CAMTA1: variants seen among roughly 807,000 people sequenced by gnomAD.
The protein encoded by CAMTA1 is calmodulin binding transcription activator 1.
Under a neutral mutation model 170.9 loss-of-function variants are expected in CAMTA1, and 27 were observed. The observed-to-expected ratio is 0.16, with a 90% CI of 0.12 to 0.22. CAMTA1 has a LOEUF of 0.22. CAMTA1 is among the 10% of genes least tolerant of loss of function. The pLI is 1.00. For synonymous variants in CAMTA1, 833 were observed against 891.5 expected (o/e 0.93, Z 1.17); for missense variants, 1,619 against 2,217.2 (o/e 0.73, Z 5.42).
intron 9 of CAMTA1, among the ~76,000 whole-genome samples, chr1:7,668,491 A>G (rs1442566216): frequency 6.6e-6 from 1 of 151,876 alleles, no homozygotes; most frequent in East Asian, 1.9e-4. Flanking sequence ...GCTGCATCAG[A>G]CATGGGCCCT....
At chr1:7,725,073 T>A (rs2096674974) in intron 11 of CAMTA1, among the ~76,000 whole-genome samples, 1 of 151,902 alleles carries the variant, frequency 6.6e-6, no homozygotes, top group Non-Finnish European at 1.5e-5. Context: ...GGAGAAGAGG[T>A]TCATGAAGAG....
At chr1:7,039,952 T>C (rs1416262974) in intron 3 of CAMTA1, among the ~76,000 whole-genome samples, 1 of 148,348 alleles carries the variant, frequency 6.7e-6, no homozygotes, top group Non-Finnish European at 1.5e-5. Context: ...GGCAAAACAT[T>C]TTTTTTTTTT....
intron 6 of CAMTA1, among the ~76,000 whole-genome samples, chr1:7,496,748 C>T (rs923726220): frequency 2.0e-5 from 3 of 152,046 alleles, no homozygotes; most frequent in African/African-American, 7.2e-5. Flanking sequence ...TGTTGTTGAT[C>T]CCTCTGCCTC....
rs111451188 is a variant in CAMTA1, at chr1:7,678,005, C to T, written c.2914+272C>T. ...TGTGAGTGTGGGCCTGTGGCTGGCA[C>T]GCCTGCTGGGCTGTCTGAGTGGCCA... On this transcript the variant is annotated intron_variant, in intron 11 of 22. Coordinates refer to ENST00000303635, the MANE Select transcript of CAMTA1 (RefSeq NM_015215.4). Among the ~76,000 whole-genome samples, 52 of 152,350 alleles carry T rather than the reference C, an allele frequency of 3.4e-4. 2 individuals are homozygous for T. The South Asian group carries it at 5.2e-3, about 15-fold the overall frequency.
At chr1:7,743,608 ATGT>A (rs957896012) in intron 16 of CAMTA1, among the ~76,000 whole-genome samples, 1 of 152,032 alleles carries the variant, frequency 6.6e-6, no homozygotes, top group African/African-American at 2.4e-5. Flanking sequence ...ACTTAGCAGG[ATGT>A]TGTTGAGGCT....
chr1:7,490,578 G>T (rs972017952), intron 6 of CAMTA1, among the ~76,000 whole-genome samples: 1 of 152,188 alleles, frequency 6.6e-6, no homozygotes, highest in African/African-American at 2.4e-5. Flanking sequence ...CTTGAACCCA[G>T]GAGGCGGAGG....
Position 7,766,415 on chromosome 1 carries a change from A to G in CAMTA1, c.4990-44A>G, listed in dbSNP as rs370662690. Reference sequence around the variant, plus strand: ...CCTTTCCTTTACTTGGTCACAATTCACTATAGAGTTATCGCCTGCTGTTTT... The same window carrying G: ...CCTTTCCTTTACTTGGTCACAATTCGCTATAGAGTTATCGCCTGCTGTTTT... On this transcript the variant is annotated intron_variant, in intron 22 of 22. Coordinates refer to ENST00000303635, the MANE Select transcript of CAMTA1 (RefSeq NM_015215.4). 4.0e-5 allele frequency: 64 copies of G among 1,602,454 alleles called. No homozygotes were observed. In the African/African-American group the frequency reaches 7.1e-4, roughly 18 times the overall value.
rs746853979 is a variant in CAMTA1, at chr1:7,467,860, A to T, written c.469A>T (p.Ile157Phe). The T allele has an allele frequency of 6.2e-7, 1 of 1,613,444 alleles. No homozygotes were observed. The highest frequency in any genetic ancestry group is 8.5e-7 in the Non-Finnish European group (1 of 1,179,790). The part of the protein sequence containing the change: ...CLYGCYVHSS[I>F]IPTFHRRCYW... ...GTACGGCTGCTATGTCCATTCCTCC[A>T]TCATCCCCACCTTCCACCGGAGGTG... Residue 157 changes from isoleucine (I) to phenylalanine (F), a missense_variant, in exon 6 of 23, where the codon ATC becomes TTC. Transcript: ENST00000303635.
At chr1:7,469,556 C>A (rs541281792) in intron 6 of CAMTA1, among the ~76,000 whole-genome samples, 6 of 152,210 alleles carry the variant, frequency 3.9e-5, no homozygotes, top group South Asian at 2.1e-4. Context: ...TTTTCCTTTT[C>A]GGTTTCATGC....
chr1:7,022,862 C>T (rs989817221), intron 3 of CAMTA1, among the ~76,000 whole-genome samples: 1 of 152,104 alleles, frequency 6.6e-6, no homozygotes, highest in African/African-American at 2.4e-5. Context: ...GTTATAATAG[C>T]AACAAAAACA....
At chr1:7,036,612 G>A (rs1703633119) in intron 3 of CAMTA1, among the ~76,000 whole-genome samples, 2 of 152,180 alleles carry the variant, frequency 1.3e-5, no homozygotes, top group South Asian at 4.1e-4. Context: ...TAGGCCTTTT[G>A]GGTTCAAGGT....
intron 3 of CAMTA1, among the ~76,000 whole-genome samples, chr1:6,885,703 G>C (rs1475121040): frequency 6.6e-6 from 1 of 152,122 alleles, no homozygotes; most frequent in Non-Finnish European, 1.5e-5. Context: ...TCCTACCTCT[G>C]AATGTAGATG....
intron 6 of CAMTA1, among the ~76,000 whole-genome samples, chr1:7,493,221 G>A (rs996981634): frequency 1.5e-5 from 2 of 132,042 alleles, no homozygotes; most frequent in African/African-American, 3.0e-5. Flanking sequence ...ACATACACAC[G>A]CACACACAAA....
chr1:7,727,702 G>A (rs2096700944), intron 11 of CAMTA1, among the ~76,000 whole-genome samples: 1 of 152,222 alleles, frequency 6.6e-6, no homozygotes, highest in Admixed American at 6.5e-5. Flanking sequence ...GCAATGCACA[G>A]CTCTCAATTT....
At chr1:6,857,930 A>G (rs112501890) in intron 3 of CAMTA1, among the ~76,000 whole-genome samples, 2,592 of 152,320 alleles carry the variant, frequency 0.017, 34 homozygotes, top group South Asian at 0.033. Context: ...ATTTGATGCC[A>G]CTAGAATGCA....
In CAMTA1 at chr1:7,272,692, C is replaced by CAAA. The variant is rs371588178; in HGVS notation, c.438+23088_438+23090dup. Among the ~76,000 whole-genome samples, 367 of 38,702 alleles carry CAAA rather than the reference C, an allele frequency of 9.5e-3. 8 individuals carry two copies. Among genetic ancestry groups the CAAA allele is most frequent in the Non-Finnish European group, 0.01 (218 of 21,620 alleles). 25.4% of individuals were successfully genotyped at this position (38,702 alleles called of 152,430 possible). On this transcript the variant is annotated intron_variant, in intron 5 of 22. Coordinates refer to ENST00000303635, the MANE Select transcript of CAMTA1 (RefSeq NM_015215.4). ...TCTGGGGCAACTGGATAAACACATGCAAAAAAAAAAAAAAAAAAAAAAAAG... is the reference window on the plus strand; with the variant it reads ...TCTGGGGCAACTGGATAAACACATGCAAAAAAAAAAAAAAAAAAAAAAAAAAAG...
intron 3 of CAMTA1, among the ~76,000 whole-genome samples, chr1:7,039,047 AAAAAT>A (rs920475252): frequency 1.3e-5 from 2 of 152,214 alleles, no homozygotes; most frequent in Admixed American, 6.6e-5. Flanking sequence ...CTCAAAAATA[AAAAAT>A]AAAATAAAAT....
At chr1:7,230,783 G>T (rs1375610478) in intron 4 of CAMTA1, among the ~76,000 whole-genome samples, 1 of 152,170 alleles carries the variant, frequency 6.6e-6, no homozygotes, top group Non-Finnish European at 1.5e-5. Flanking sequence ...CAGCCCCCGG[G>T]AGCCACGCCA....
chr1:6,886,274 A>G (rs1013167195), intron 3 of CAMTA1: 8 of 455,980 alleles, frequency 1.8e-5, no homozygotes, highest in Admixed American at 1.6e-4. Context: ...GCAAATGTGC[A>G]AAGAGCAATG....
Sources: gnomAD v4.1 joint callset for allele counts (sites outside exome capture counted in the v4.1 genomes callset) on GRCh38, gnomAD v4.1.1 for gene constraint, MANE v1.5 for transcripts, NCBI Gene and HGNC (gene_info 2026-07-23, HGNC 2026-07-21) for gene names.